Variants in TOGARAM2 observed in about 807,000 individuals in gnomAD.
The protein encoded by TOGARAM2 is TOG array regulator of axonemal microtubules 2, also known as TOG array regulator of axonemal microtubules protein 2.
A neutral mutation model predicts 93.3 loss-of-function variants in TOGARAM2; 85 were observed. That is an observed-to-expected ratio of 0.91 (90% confidence interval 0.76 to 1.09). The LOEUF is 1.09. TOGARAM2 is among the 50% of genes least tolerant of loss of function. The pLI is 0.00. For synonymous variants in TOGARAM2, 593 were observed against 552.8 expected (o/e 1.07, Z -1.02); for missense variants, 1,277 against 1,334.5 (o/e 0.96, Z 0.67).
intron 6 of TOGARAM2, among the ~76,000 whole-genome samples, chr2:29,006,574 C>T (rs1663889628): frequency 6.6e-6 from 1 of 152,092 alleles, no homozygotes; most frequent in Non-Finnish European, 1.5e-5. Context: ...TGACTGCTTC[C>T]CTCCCGTTTC....
chr2:29,020,590 C>G (rs1476598163), intron 10 of TOGARAM2, among the ~76,000 whole-genome samples: 2 of 152,204 alleles, frequency 1.3e-5, no homozygotes, highest in Non-Finnish European at 1.5e-5. Flanking sequence ...CTGGAATCCC[C>G]CTGCCAGTGC....
chr2:28,976,641 A>G (rs1439231327), upstream of TOGARAM2, among the ~76,000 whole-genome samples: 2 of 152,160 alleles, frequency 1.3e-5, no homozygotes, highest in Non-Finnish European at 2.9e-5. Flanking sequence ...AAGCAGCATA[A>G]CCAGAAGGCG....
intron 16 of TOGARAM2, 38 bp downstream of exon 16, chr2:29,033,601 G>T: frequency 6.3e-7 from 1 of 1,588,098 alleles, no homozygotes; most frequent in Non-Finnish European, 8.6e-7. Context: ...TCACATCTAA[G>T]ACTTCTGACA....
At chr2:29,034,987 T>C (rs1179396223) in intron 16 of TOGARAM2, among the ~76,000 whole-genome samples, 1 of 151,920 alleles carries the variant, frequency 6.6e-6, no homozygotes, top group East Asian at 1.9e-4. Flanking sequence ...CTGTCTCTAC[T>C]AAACATACAA....
chr2:28,980,105 C>T (rs1439761814), upstream of TOGARAM2, among the ~76,000 whole-genome samples: 1 of 152,222 alleles, frequency 6.6e-6, no homozygotes, highest in Non-Finnish European at 1.5e-5. Flanking sequence ...GAGGAAGAGT[C>T]TCCTTTCTGG....
At chr2:29,022,086 G>T in intron 10 of TOGARAM2, 72 bp from the exon 11 acceptor site, 1 of 1,597,696 alleles carries the variant, frequency 6.3e-7, no homozygotes, top group South Asian at 1.1e-5. Flanking sequence ...GGTGAGCGGT[G>T]GCAGGAGCGG....
At chr2:29,003,434 G>A (rs1673423616) in intron 5 of TOGARAM2, 58 bp from the exon 6 acceptor site, 1 of 1,358,612 alleles carries the variant, frequency 7.4e-7, no homozygotes, top group Non-Finnish European at 9.6e-7. Context: ...GCCTGGAGGT[G>A]AGCATTCACC....
At chr2:28,965,693 T>A (rs1160886833) in intron 1 of TOGARAM2, among the ~76,000 whole-genome samples, 1 of 152,194 alleles carries the variant, frequency 6.6e-6, no homozygotes, top group Non-Finnish European at 1.5e-5. Context: ...AGACTTTTGG[T>A]GTTTTTTAAG....
In TOGARAM2 at chr2:29,011,499, T is replaced by C. The variant is rs757549038; in HGVS notation, c.875T>C (p.Leu292Pro). The change falls in exon 7 of 20, where the codon CTG (leucine) becomes CCG (proline). Residue 292 changes from leucine to proline, a missense_variant and splice_region_variant. Physicochemically the swap from Leu to Pro is moderately conservative, Grantham distance 98. Transcript: ENST00000379558. ...SGPREKTPAS[L>P]EPKPLASPIR... ...CCTCGGGAGAAGACCCCTGCATCTC[T>C]GGGTACGTATCTTCCATGCACACCT... 73 of 1,605,372 alleles carry C rather than the reference T, an allele frequency of 4.5e-5. No individual in the cohort carries two copies. In the South Asian group the frequency reaches 7.7e-4, roughly 17 times the overall value.
chr2:29,003,810 GCTGGGGGCT>G, intron 6 of TOGARAM2, 128 bp downstream of exon 6: 1 of 921,730 alleles, frequency 1.1e-6, no homozygotes, highest in South Asian at 2.3e-5. Context: ...CAGGGAAAGG[GCTGGGGGCT>G]CCACCCATGA....
chr2:29,034,098 CCTT>C lies in TOGARAM2; in HGVS notation c.2225+536_2225+538del, dbSNP rs1300256213. 2.2e-4 allele frequency among the ~76,000 whole-genome samples: 33 copies of C among 152,238 alleles called. No individual in the cohort carries two copies. The South Asian group carries it at 6.4e-3, about 30-fold the overall frequency. On this transcript the variant is annotated intron_variant, in intron 16 of 19. Transcript: ENST00000379558. ...GTCCTGGGCTGATCCCATCTGAACT[CCTT>C]AGCAGGGCACTAGGGAAGCCCCATG...
At chr2:28,973,895 G>A (rs116274174) in intron 1 of TOGARAM2, among the ~76,000 whole-genome samples, 3 of 152,082 alleles carry the variant, frequency 2.0e-5, no homozygotes, top group African/African-American at 4.8e-5. Flanking sequence ...TTTATCTAAC[G>A]ATGTCTTGAT....
chr2:29,036,422 C>T (rs1666112366), intron 17 of TOGARAM2, 119 bp from the exon 18 acceptor site: 1 of 822,190 alleles, frequency 1.2e-6, no homozygotes, highest in Non-Finnish European at 2.0e-6. Flanking sequence ...GTCAGGGACG[C>T]AGGAGGAGTC....
At chr2:29,018,086 C>A in intron 10 of TOGARAM2, 130 bp downstream of exon 10, 1 of 1,094,080 alleles carries the variant, frequency 9.1e-7, no homozygotes, top group Non-Finnish European at 1.3e-6. Context: ...AGGAGGCAGC[C>A]TGGGGTGGTG....
At chr2:29,016,954 A>G (rs1664614541) in intron 8 of TOGARAM2, among the ~76,000 whole-genome samples, 200 bp from the exon 9 acceptor site, 2 of 152,182 alleles carry the variant, frequency 1.3e-5, no homozygotes, top group South Asian at 4.1e-4. Flanking sequence ...CTTTTCTTTC[A>G]GCACATACTG....
intron 18 of TOGARAM2, among the ~76,000 whole-genome samples, chr2:29,040,426 T>C (rs149964109): frequency 1.3e-5 from 2 of 152,362 alleles, no homozygotes; most frequent in Non-Finnish European, 2.9e-5. Flanking sequence ...TGGCATTTTT[T>C]TGAGTTTTTT....
At chr2:28,959,913 G>A (rs1258703971) in intron 1 of TOGARAM2, among the ~76,000 whole-genome samples, 1 of 152,156 alleles carries the variant, frequency 6.6e-6, no homozygotes, top group Non-Finnish European at 1.5e-5. Context: ...CATAAACCTG[G>A]GCGGCACAGC....
rs1346110668 is a variant in TOGARAM2, at chr2:28,956,676, C to A, written c.-168C>A. On this transcript the variant is annotated 5_prime_UTR_variant, in exon 1 of 7. Coordinates refer to the TOGARAM2 transcript ENST00000401723. The surrounding 1 kb of genome is among the most constrained non-coding windows in gnomAD (Gnocchi z 4.5). ...CGACCTCGTGCCTGCCTTATGTGCA[C>A]CTGTGCCAGCATCTTTCTCAGGTGG... The A allele has an allele frequency of 6.6e-6, 1 of 152,164 alleles. No individual in the cohort carries two copies. The allele number at this position is 152,164 out of a possible 1,614,324, so 9.4% of individuals were successfully genotyped here.
At position 29,036,648 on chromosome 2, in the gene TOGARAM2, C is replaced by A; in HGVS notation, c.2526C>A (p.His842Gln). The change falls in exon 18 of 20, where the codon CAC becomes CAA. Residue 842 changes from histidine (H) to glutamine (Q), a missense_variant. His to Gln is a conservative substitution (Grantham distance 24, BLOSUM62 0). Coordinates refer to ENST00000379558, the MANE Select transcript of TOGARAM2 (RefSeq NM_199280.4). ...TCCCCCTCCTCAGAGAGAGCTTACACCCCATGCTGCTCTCCATCATCATCA... is the reference window on the plus strand; with the variant it reads ...TCCCCCTCCTCAGAGAGAGCTTACAACCCATGCTGCTCTCCATCATCATCA... ...KMIPLLRESL[H>Q]PMLLSIIITV... 6.2e-7 allele frequency: 1 copy of A among 1,613,978 alleles called. No homozygotes were observed. Among genetic ancestry groups the A allele is most frequent in the Non-Finnish European group, 8.5e-7 (1 of 1,179,850 alleles).
Sources: gnomAD v4.1 joint callset for allele counts (sites outside exome capture counted in the v4.1 genomes callset) on GRCh38, gnomAD v4.1.1 for gene constraint, Gnocchi (gnomAD v3.1) non-coding constraint, MANE v1.5 for transcripts, NCBI Gene and HGNC (gene_info 2026-07-23, HGNC 2026-07-21) for gene names.